TPH2: variants seen among roughly 807,000 people sequenced by gnomAD.
The protein encoded by TPH2 is tryptophan hydroxylase 2.
A neutral mutation model predicts 59.1 loss-of-function variants in TPH2; 27 were observed. The observed-to-expected ratio is 0.46, with a 90% confidence interval of 0.34 to 0.63. The LOEUF is 0.63. Ranked by LOEUF, TPH2 falls within the 30% of genes least tolerant of loss-of-function variation. The probability of loss-of-function intolerance (pLI) is 0.01; values close to 1 mark genes in which losing one functional copy is unlikely to be tolerated. For missense variants in TPH2, 523 were observed against 588.3 expected, an observed-to-expected ratio of 0.89 and a Z score of 1.15; for synonymous variants, 220 against 210.5, an observed-to-expected ratio of 1.05 and a Z score of -0.39.
chr12:72,021,064 C>T (rs1382651642), intron 8 of TPH2, among the ~76,000 whole-genome samples: 1 of 26,856 alleles, frequency 3.7e-5, no homozygotes, highest in African/African-American at 1.1e-4. Flanking sequence ...GTTTAAATTC[C>T]TTTCTTAACA....
chr12:71,987,766 C>T (rs1872479218), intron 7 of TPH2, among the ~76,000 whole-genome samples: 1 of 152,064 alleles, frequency 6.6e-6, no homozygotes, highest in African/African-American at 2.4e-5. Flanking sequence ...GCAGGAGAAT[C>T]GCTTGAACCC....
intron 5 of TPH2, among the ~76,000 whole-genome samples, chr12:71,955,141 G>A (rs1248733618): frequency 6.6e-6 from 1 of 152,068 alleles, no homozygotes; most frequent in African/African-American, 2.4e-5. Context: ...CAACATGTTA[G>A]AATTTCCAAC....
At chr12:71,952,325 T>C (rs545579942) in intron 5 of TPH2, among the ~76,000 whole-genome samples, 141 of 152,200 alleles carry the variant, frequency 9.3e-4, no homozygotes, top group African/African-American at 3.0e-3. Context: ...GAGGGCTGGA[T>C]GGAGCTGGGG....
chr12:72,000,208 G>T (rs180944125), intron 8 of TPH2, among the ~76,000 whole-genome samples: 1 of 152,168 alleles, frequency 6.6e-6, no homozygotes, highest in African/African-American at 2.4e-5. Context: ...ATGCAAAATG[G>T]TTAATGTTCT....
intron 4 of TPH2, among the ~76,000 whole-genome samples, chr12:71,945,149 G>A (rs1433268878): frequency 6.6e-6 from 1 of 152,154 alleles, no homozygotes. Context: ...AGTCTCAATG[G>A]AAAGGTAGAG....
At chr12:72,002,757 CTT>C (rs35633991) in intron 8 of TPH2, among the ~76,000 whole-genome samples, 12 of 143,846 alleles carry the variant, frequency 8.3e-5, no homozygotes, top group Admixed American at 1.4e-4. Flanking sequence ...TTTTATTTTA[CTT>C]TTTTTTTTTT....
intron 8 of TPH2, among the ~76,000 whole-genome samples, chr12:72,020,887 C>T (rs140387737): frequency 1.6e-4 from 24 of 152,238 alleles, no homozygotes; most frequent in African/African-American, 5.8e-4. Flanking sequence ...TCCTTTGGGT[C>T]CAGCTCAGTG....
intron 5 of TPH2, chr12:71,964,444 G>A (rs1592389577): frequency 5.3e-5 from 50 of 943,862 alleles, no homozygotes; most frequent in Non-Finnish European, 5.5e-5. Context: ...CACCATGCCC[G>A]GTTAATTTTA....
intron 9 of TPH2, among the ~76,000 whole-genome samples, chr12:72,023,843 AATG>A (rs1873496559): frequency 6.6e-6 from 1 of 151,938 alleles, no homozygotes; most frequent in African/African-American, 2.4e-5. Flanking sequence ...AAAAGAAAAT[AATG>A]ATAACAGCCA....
At chr12:71,970,940 A>T (rs1281931817) in intron 5 of TPH2, among the ~76,000 whole-genome samples, 1 of 152,110 alleles carries the variant, frequency 6.6e-6, no homozygotes, top group East Asian at 1.9e-4. Context: ...ACTGCAATTA[A>T]TTTTTTTTAA....
chr12:71,949,572 C>A lies in TPH2; in HGVS notation c.541-16C>A, dbSNP rs368395923. ...TCAGCACTTTGTTAAATAACTTAAT[C>A]TTTTTTGTGTTTAAGGGATTTAAGG... On this transcript the variant is annotated splice_polypyrimidine_tract_variant and intron_variant, in intron 4 of 10. Coordinates refer to ENST00000333850, the MANE Select transcript of TPH2 (RefSeq NM_173353.4). 3 of 1,609,928 alleles carry A rather than the reference C, an allele frequency of 1.9e-6. No homozygotes were observed. The highest frequency in any genetic ancestry group is 2.5e-6 in the Non-Finnish European group (3 of 1,176,784).
intron 6 of TPH2, among the ~76,000 whole-genome samples, chr12:71,974,669 AGGCATCCTTGGGG>A (rs548848755): frequency 2.8e-4 from 42 of 152,306 alleles, no homozygotes; most frequent in African/African-American, 9.9e-4. Context: ...ATTAAGACAT[AGGCATCCTTGGGG>A]GGCCATTACT....
chr12:71,940,237 T>C (rs1016441691), intron 1 of TPH2, among the ~76,000 whole-genome samples: 1 of 152,154 alleles, frequency 6.6e-6, no homozygotes, highest in African/African-American at 2.4e-5. Flanking sequence ...GCAAGATCTG[T>C]GTGTTGTGTG....
At chr12:71,962,327 T>A (rs1052395646) in intron 5 of TPH2, 36 of 985,374 alleles carry the variant, frequency 3.7e-5, no homozygotes, top group Non-Finnish European at 4.3e-5. Context: ...TTCATTACAA[T>A]GTTCAGCCAA....
chr12:71,940,203 A>G (rs1399762981), intron 1 of TPH2, among the ~76,000 whole-genome samples: 1 of 152,206 alleles, frequency 6.6e-6, no homozygotes, highest in Non-Finnish European at 1.5e-5. Flanking sequence ...TGACCCTTTT[A>G]TATAAAAAAT....
chr12:72,022,475 C>T lies in TPH2; in HGVS notation c.1145C>T (p.Ser382Phe). The change falls in exon 9 of 11, where the codon TCC (serine) becomes TTC (phenylalanine). Residue 382 changes from serine to phenylalanine, a missense_variant. Coordinates refer to ENST00000333850, the MANE Select transcript of TPH2 (RefSeq NM_173353.4). ...CGGGCATATGGAGCAGGACTCCTTT[C>T]CTCCATTGGAGAATTAAAGGTATGA... The part of the protein sequence containing the change: ...QLRAYGAGLL[S>F]SIGELKHALS... 6.2e-7 allele frequency: 1 copy of T among 1,613,348 alleles called. No individual in the cohort carries two copies. The highest frequency in any genetic ancestry group is 1.7e-5 in the Admixed American group (1 of 60,016).
chr12:72,021,818 TA>T (rs1290681963), intron 8 of TPH2, among the ~76,000 whole-genome samples: 3 of 152,296 alleles, frequency 2.0e-5, no homozygotes, highest in East Asian at 3.9e-4. Flanking sequence ...AAGATTTTAC[TA>T]AAAAAGTATA....
intron 5 of TPH2, among the ~76,000 whole-genome samples, chr12:71,953,420 T>C (rs1871407301): frequency 6.6e-6 from 1 of 152,030 alleles, no homozygotes; most frequent in Non-Finnish European, 1.5e-5. Flanking sequence ...GTGCCTGCCA[T>C]GGTGCTGGTG....
chr12:71,966,317 G>A (rs1264055582), intron 5 of TPH2, among the ~76,000 whole-genome samples: 1 of 151,768 alleles, frequency 6.6e-6, no homozygotes, highest in Non-Finnish European at 1.5e-5. Flanking sequence ...TAGAAATTAA[G>A]GTATAGTTTA....
Sources: gnomAD v4.1 joint callset for allele counts (sites outside exome capture counted in the v4.1 genomes callset) on GRCh38, gnomAD v4.1.1 for gene constraint, MANE v1.5 for transcripts, NCBI Gene and HGNC (gene_info 2026-07-23, HGNC 2026-07-21) for gene names.